The following PVT1 variants were observed in gnomAD, a reference collection of about 807,000 sequenced individuals.
PVT1 encodes the protein Pvt1 oncogene, also known as CXCR4/PVT1 fusion.
At chr8:128,016,104 C>T (rs1242494523) in intron 4 of PVT1, among the ~76,000 whole-genome samples, 3 of 152,090 alleles carry the variant, frequency 2.0e-5, no homozygotes, top group Admixed American at 2.0e-4. Flanking sequence ...ATAGCGAAAC[C>T]CTGTCTCTAT....
At chr8:128,046,307 G>A (rs908353685) in intron 4 of PVT1, among the ~76,000 whole-genome samples, 8 of 152,154 alleles carry the variant, frequency 5.3e-5, no homozygotes, top group African/African-American at 1.9e-4. Context: ...CAACAAAATG[G>A]CCCTAAGAGG....
intron 5 of PVT1, among the ~76,000 whole-genome samples, chr8:128,071,902 C>T (rs139011703): frequency 6.6e-6 from 1 of 152,104 alleles, no homozygotes; most frequent in African/African-American, 2.4e-5. Flanking sequence ...CAATTATCAG[C>T]CATGTGGCCT....
At chr8:127,932,340 G>T in intron 3 of PVT1, 1 of 398,352 alleles carries the variant, frequency 2.5e-6, no homozygotes, top group Non-Finnish European at 4.4e-6. Flanking sequence ...CCCTCTCCTG[G>T]TAAAGGGATG....
At chr8:127,978,711 C>T (rs1176628018) in intron 3 of PVT1, among the ~76,000 whole-genome samples, 1 of 152,124 alleles carries the variant, frequency 6.6e-6, no homozygotes, top group African/African-American at 2.4e-5. Context: ...GTCTAGAACT[C>T]GTGAAAACAG....
At chr8:127,885,297 A>G (rs2129793618) in intron 2 of PVT1, among the ~76,000 whole-genome samples, 1 of 152,278 alleles carries the variant, frequency 6.6e-6, no homozygotes, top group East Asian at 1.9e-4. Flanking sequence ...GTGCCCAGCA[A>G]CATGCTAAGT....
At chr8:127,906,887 G>C (rs1011659497) in intron 3 of PVT1, among the ~76,000 whole-genome samples, 1 of 151,866 alleles carries the variant, frequency 6.6e-6, no homozygotes, top group East Asian at 1.9e-4. Flanking sequence ...AAACAGGCTC[G>C]GAGAGGCTGA....
intron 3 of PVT1, among the ~76,000 whole-genome samples, chr8:127,928,930 C>G (rs967224848): frequency 6.6e-5 from 10 of 152,200 alleles, no homozygotes; most frequent in Admixed American, 2.0e-4. Context: ...CAGGAAAGAT[C>G]GCTGTGTTTG....
At chr8:128,067,150 T>C (rs755744671) in intron 4 of PVT1, among the ~76,000 whole-genome samples, 2 of 152,206 alleles carry the variant, frequency 1.3e-5, no homozygotes, top group Non-Finnish European at 2.9e-5. Context: ...TATACTTCAT[T>C]GCTGCATGGT....
intron 2 of PVT1, among the ~76,000 whole-genome samples, chr8:127,845,304 A>T (rs1815019654): frequency 6.6e-6 from 1 of 152,108 alleles, no homozygotes; most frequent in Non-Finnish European, 1.5e-5. Flanking sequence ...TTGGATCTAG[A>T]TTATTGTTGC....
At chr8:127,859,765 C>CTGT (rs1182344971) in intron 2 of PVT1, among the ~76,000 whole-genome samples, 5 of 152,040 alleles carry the variant, frequency 3.3e-5, no homozygotes. Context: ...TTTATTGAAC[C>CTGT]TGTCCTAGCC....
chr8:128,077,047 C>T (rs1021338916), intron 5 of PVT1, among the ~76,000 whole-genome samples: 12 of 152,124 alleles, frequency 7.9e-5, no homozygotes, highest in South Asian at 2.1e-4. Flanking sequence ...CAGATGCCAG[C>T]GGGTTTCCCT....
intron 2 of PVT1, chr8:127,854,832 T>C (rs533798149): frequency 4.3e-6 from 1 of 232,452 alleles, no homozygotes; most frequent in South Asian, 1.8e-4. Flanking sequence ...ATCTACGCAA[T>C]ACCATGAAGA....
At chr8:127,947,475 C>T (rs1816436008) in intron 3 of PVT1, 2 of 328,834 alleles carry the variant, frequency 6.1e-6, no homozygotes. Context: ...GGCATTCCCT[C>T]TGTCTCCTCT....
chr8:128,002,921 T>TCCTCCCTCCCTGTCTC (rs1245868167), intron 4 of PVT1, among the ~76,000 whole-genome samples: 66 of 151,294 alleles, frequency 4.4e-4, no homozygotes, highest in South Asian at 2.1e-4. Flanking sequence ...TCTTTTTCCT[T>TCCTCCCTCCCTGTCTC]CCTCCCTCCC....
At chr8:127,875,413 T>G (rs1384260153) in intron 2 of PVT1, among the ~76,000 whole-genome samples, 3 of 152,108 alleles carry the variant, frequency 2.0e-5, no homozygotes, top group Non-Finnish European at 2.9e-5. Flanking sequence ...TTTCACATGT[T>G]GTTTTCTGAT....
intron 4 of PVT1, among the ~76,000 whole-genome samples, chr8:128,058,826 C>G (rs1813794541): frequency 3.9e-5 from 6 of 152,142 alleles, no homozygotes; most frequent in Admixed American, 3.9e-4. Context: ...ACCATGTCCT[C>G]GAGCCCTCCA....
chr8:127,860,183 G>A (rs1045419820), intron 2 of PVT1, among the ~76,000 whole-genome samples: 2 of 152,212 alleles, frequency 1.3e-5, no homozygotes, highest in African/African-American at 2.4e-5. Context: ...AGGAGACGAG[G>A]AGCAGGTCCT....
At chr8:127,970,767 CA>C (rs1034334584) in intron 3 of PVT1, among the ~76,000 whole-genome samples, 3 of 152,046 alleles carry the variant, frequency 2.0e-5, no homozygotes, top group African/African-American at 7.3e-5. Context: ...TAAAGACCAC[CA>C]AAGAAAGTAG....
intron 3 of PVT1, among the ~76,000 whole-genome samples, chr8:127,979,922 C>T (rs774756335): frequency 5.3e-5 from 8 of 152,110 alleles, no homozygotes; most frequent in Non-Finnish European, 1.0e-4. Context: ...CTCTGTCACC[C>T]AGGTTGGAGT....
Sources: gnomAD v4.1 joint callset for allele counts (sites outside exome capture counted in the v4.1 genomes callset) on GRCh38, gnomAD v4.1.1 for gene constraint, MANE v1.5 for transcripts, NCBI Gene and HGNC (gene_info 2026-07-23, HGNC 2026-07-21) for gene names.